The following ARHGAP24 variants were observed in gnomAD, a reference collection of about 807,000 sequenced individuals.
ARHGAP24 encodes the protein Rho GTPase activating protein 24, also known as rho GTPase-activating protein 24.
In ARHGAP24, 50 loss-of-function variants were observed where a neutral mutation model predicts 76.4. The observed-to-expected ratio is 0.65, with a 90% CI of 0.52 to 0.83. The LOEUF (loss-of-function observed/expected upper bound fraction) is 0.83, where lower values mean the gene tolerates loss of function less well. Among genes scored for constraint, ARHGAP24 ranks in the 40% least tolerant of loss-of-function variants. The pLI, the probability that ARHGAP24 is intolerant of heterozygous loss-of-function variation, is 0.00. For synonymous variants in ARHGAP24, 345 were observed against 323.3 expected (o/e 1.07, Z -0.72); for missense variants, 930 against 914.2 (o/e 1.02, Z -0.22).
At chr4:85,836,739 C>T (rs753023858) in intron 3 of ARHGAP24, among the ~76,000 whole-genome samples, 44 of 152,126 alleles carry the variant, frequency 2.9e-4, no homozygotes, top group Non-Finnish European at 5.7e-4. Context: ...AATTCAGAGT[C>T]CAGGACTGGC....
chr4:85,785,089 C>T (rs1286809627), intron 3 of ARHGAP24, among the ~76,000 whole-genome samples: 1 of 152,074 alleles, frequency 6.6e-6, no homozygotes, highest in South Asian at 2.1e-4. Context: ...AGTTGAATTT[C>T]AGAATTTGAG....
chr4:85,624,041 A>C (rs182651718), intron 2 of ARHGAP24, among the ~76,000 whole-genome samples: 2 of 152,158 alleles, frequency 1.3e-5, no homozygotes, highest in Non-Finnish European at 2.9e-5. Context: ...AAACAGGGAC[A>C]ATTTGACTTC....
At chr4:85,515,349 A>T (rs1040746899) in intron 1 of ARHGAP24, among the ~76,000 whole-genome samples, 15 of 148,276 alleles carry the variant, frequency 1.0e-4, no homozygotes, top group African/African-American at 3.7e-4. Flanking sequence ...TCTTCATCCT[A>T]TATCCACTCT....
In ARHGAP24 at chr4:85,618,891, T is replaced by C. The variant is rs557021201; in HGVS notation, c.180+48170T>C. Reference sequence around the variant, plus strand: ...TTTGATATTAACGCCTTATCAGATATAGTTAGCAAATATTTTCTGCCATTC... The same window carrying C: ...TTTGATATTAACGCCTTATCAGATACAGTTAGCAAATATTTTCTGCCATTC... On this transcript the variant is annotated intron_variant, in intron 2 of 9. Coordinates refer to ENST00000395184, the MANE Select transcript of ARHGAP24 (RefSeq NM_001025616.3). 4.1e-4 allele frequency among the ~76,000 whole-genome samples: 62 copies of C among 152,216 alleles called. No homozygotes were observed. The South Asian group carries it at 0.013, about 32-fold the overall frequency.
At chr4:85,612,792 C>CTTTTTTTTT (rs70948739) in intron 2 of ARHGAP24, among the ~76,000 whole-genome samples, 938 of 82,794 alleles carry the variant, frequency 0.011, 29 homozygotes, top group East Asian at 0.045. Context: ...CTTTCCATTC[C>CTTTTTTTTT]TTTTTTTTTT....
At chr4:85,682,078 G>T (rs976938354) in intron 2 of ARHGAP24, among the ~76,000 whole-genome samples, 1 of 152,092 alleles carries the variant, frequency 6.6e-6, no homozygotes, top group African/African-American at 2.4e-5. Context: ...CTCAATTCTG[G>T]GCTTTTAAAC....
At chr4:85,703,505 TG>T (rs1415821375) in intron 2 of ARHGAP24, among the ~76,000 whole-genome samples, 1 of 152,098 alleles carries the variant, frequency 6.6e-6, no homozygotes, top group African/African-American at 2.4e-5. Flanking sequence ...GGTGGGAACT[TG>T]GGGGAGTTGA....
chr4:85,586,126 T>TC (rs1291506208), intron 2 of ARHGAP24, among the ~76,000 whole-genome samples: 1 of 152,300 alleles, frequency 6.6e-6, no homozygotes, highest in South Asian at 2.1e-4. Flanking sequence ...TTTCTTTTTT[T>TC]CCCCCCTCTC....
At chr4:85,816,603 G>A (rs1007514701) in intron 3 of ARHGAP24, among the ~76,000 whole-genome samples, 1 of 151,968 alleles carries the variant, frequency 6.6e-6, no homozygotes, top group East Asian at 1.9e-4. Context: ...CAAAATTAAA[G>A]CAAATAACTA....
intron 3 of ARHGAP24, among the ~76,000 whole-genome samples, chr4:85,799,315 A>G (rs1728486502): frequency 6.6e-6 from 1 of 152,132 alleles, no homozygotes; most frequent in African/African-American, 2.4e-5. Flanking sequence ...TTGCTAAGAA[A>G]AAAAAACAAA....
At chr4:85,525,013 T>C (rs1237024013) in intron 1 of ARHGAP24, among the ~76,000 whole-genome samples, 1 of 152,154 alleles carries the variant, frequency 6.6e-6, no homozygotes, top group African/African-American at 2.4e-5. Context: ...GAGATGGCTT[T>C]ACACTCTTAT....
intron 3 of ARHGAP24, among the ~76,000 whole-genome samples, chr4:85,768,254 A>T (rs191475067): frequency 1.4e-3 from 218 of 152,330 alleles, no homozygotes; most frequent in Non-Finnish European, 2.7e-3. Context: ...GATTGGATTT[A>T]AAAAAATGTG....
intron 5 of ARHGAP24, among the ~76,000 whole-genome samples, chr4:85,951,447 C>T (rs1274580317): frequency 1.3e-5 from 2 of 152,036 alleles, no homozygotes; most frequent in African/African-American, 2.4e-5. Context: ...AGGGAACGTT[C>T]GTTAGTTCAA....
chr4:85,833,886 T>G (rs985039746), intron 3 of ARHGAP24, among the ~76,000 whole-genome samples: 1 of 152,220 alleles, frequency 6.6e-6, no homozygotes, highest in Non-Finnish European at 1.5e-5. Flanking sequence ...ATATTTTACA[T>G]TAGTTAAGAA....
At chr4:85,737,659 A>G (rs1725653728) in intron 3 of ARHGAP24, among the ~76,000 whole-genome samples, 1 of 152,128 alleles carries the variant, frequency 6.6e-6, no homozygotes, top group African/African-American at 2.4e-5. Flanking sequence ...TGAACCCTGG[A>G]GCTGTTACAT....
chr4:85,888,385 G>A (rs1733690610), intron 3 of ARHGAP24, among the ~76,000 whole-genome samples: 1 of 127,076 alleles, frequency 7.9e-6, no homozygotes, highest in East Asian at 2.2e-4. Context: ...GGGCAACAGA[G>A]CAAGACTTCC....
intron 1 of ARHGAP24, among the ~76,000 whole-genome samples, chr4:85,487,768 AT>A (rs1177469401): frequency 9.3e-6 from 1 of 106,952 alleles, no homozygotes; most frequent in African/African-American, 3.9e-5. Flanking sequence ...ATATTATATA[AT>A]ATATATTTAT....
chr4:85,733,060 C>CTTTTTTTTTTTTTTTTTCTT (rs1725471585), intron 3 of ARHGAP24, among the ~76,000 whole-genome samples: 1 of 55,206 alleles, frequency 1.8e-5, no homozygotes, highest in Non-Finnish European at 3.2e-5. Flanking sequence ...GCCTCACCAA[C>CTTTTTTTTTTTTTTTTTCTT]TTTTTTTTTT....
At chr4:85,633,577 GTTCT>G (rs1721226492) in intron 2 of ARHGAP24, among the ~76,000 whole-genome samples, 2 of 151,896 alleles carry the variant, frequency 1.3e-5, no homozygotes, top group South Asian at 4.2e-4. Flanking sequence ...TGCCAAGAAA[GTTCT>G]TCTAGCGGAG....
Sources: gnomAD v4.1 joint callset for allele counts (sites outside exome capture counted in the v4.1 genomes callset) on GRCh38, gnomAD v4.1.1 for gene constraint, MANE v1.5 for transcripts, NCBI Gene and HGNC (gene_info 2026-07-23, HGNC 2026-07-21) for gene names.